The following SP110 variants were observed in gnomAD, a reference collection of about 807,000 sequenced individuals.
The protein encoded by SP110 is interferon-induced protein 41, 30kD.
Under a neutral mutation model 92.7 loss-of-function variants are expected in SP110, and 62 were observed. The ratio of observed to expected loss-of-function variants is 0.67; its 90% CI spans 0.55 to 0.83. The LOEUF (loss-of-function observed/expected upper bound fraction) is 0.83, where lower values mean the gene tolerates loss of function less well. Ranked by LOEUF, SP110 falls within the 40% of genes least tolerant of loss-of-function variation. SP110 has a pLI of 0.00. For missense variants in SP110, 793 were observed against 863.9 expected (o/e 0.92, Z 1.03); for synonymous variants, 273 against 305.3 (o/e 0.89, Z 1.10).
At position 230,171,748 on chromosome 2, in the gene SP110, A is replaced by G. The variant is rs772953969; in HGVS notation, c.1835T>C (p.Leu612Ser). The G allele has an allele frequency of 1.9e-6, 3 of 1,613,162 alleles. No individual in the cohort carries two copies. Among genetic ancestry groups the G allele is most frequent in the Non-Finnish European group, 2.5e-6 (3 of 1,179,076 alleles). Reference protein sequence around the residue: ...QDQLKCEFLLLKAYCHPQSSF... With the variant: ...QDQLKCEFLLSKAYCHPQSSF... ...GCTTTGTGGATGACAGTAGGCCTTCAAGAGGAGGAACTCACATTTCTGTAA... is the reference window on the plus strand; with the variant it reads ...GCTTTGTGGATGACAGTAGGCCTTCGAGAGGAGGAACTCACATTTCTGTAA... Residue 612 changes from leucine to serine, a missense_variant, in exon 17 of 19, where the codon TTG (leucine) becomes TCG (serine). Leu to Ser is a moderately radical substitution (Grantham distance 145). Transcript: ENST00000258381.
At chr2:230,217,245 C>CA (rs6147220) in intron 1 of SP110, among the ~76,000 whole-genome samples, 1,750 of 79,668 alleles carry the variant, frequency 0.022, 106 homozygotes, top group African/African-American at 0.068. Context: ...GACTCCATCT[C>CA]AAAAAAAAAA....
At chr2:230,169,578 C>T (rs2078379521) in intron 18 of SP110, among the ~76,000 whole-genome samples, 1 of 152,210 alleles carries the variant, frequency 6.6e-6, no homozygotes, top group South Asian at 2.1e-4. Flanking sequence ...TCACCTCGGA[C>T]TCCCAAAAAG....
intron 8 of SP110, chr2:230,203,223 G>A (rs1261358100): frequency 1.1e-5 from 2 of 183,286 alleles, no homozygotes; most frequent in Non-Finnish European, 2.3e-5. Flanking sequence ...TACCATGAGG[G>A]AGAGATGGAA....
chr2:230,206,721 C>T (rs775654726), intron 8 of SP110, among the ~76,000 whole-genome samples: 4 of 147,568 alleles, frequency 2.7e-5, no homozygotes, highest in Non-Finnish European at 6.0e-5. Context: ...CTGTAAAAAG[C>T]CCTAGTCCCG....
intron 12 of SP110, among the ~76,000 whole-genome samples, chr2:230,181,096 A>G (rs1432361445): frequency 6.6e-6 from 1 of 152,234 alleles, no homozygotes; most frequent in Non-Finnish European, 1.5e-5. Flanking sequence ...TTGTGCCCTG[A>G]GCAAGGACTC....
chr2:230,203,026 C>T (rs1040717513), intron 8 of SP110: 4 of 422,886 alleles, frequency 9.5e-6, no homozygotes, highest in African/African-American at 8.1e-5. Flanking sequence ...TTGTGTCGGC[C>T]TGCACCACGA....
upstream of SP110, among the ~76,000 whole-genome samples, chr2:230,221,375 C>T (rs2045805708): frequency 6.6e-6 from 1 of 151,912 alleles, no homozygotes; most frequent in Non-Finnish European, 1.5e-5. Flanking sequence ...AGGACATCCA[C>T]AAACTCCTCA....
chr2:230,169,084 A>T lies in SP110; in HGVS notation c.*40T>A. On this transcript the variant is annotated 3_prime_UTR_variant, in exon 19 of 19. Coordinates refer to ENST00000258381, the MANE Select transcript of SP110 (RefSeq NM_080424.4). ...GTCCAAGCCAGGGTCCCATCAGCTGAATCCTGAGGTGGGGATGCTTCAGTC... is the reference window on the plus strand; with the variant it reads ...GTCCAAGCCAGGGTCCCATCAGCTGTATCCTGAGGTGGGGATGCTTCAGTC... The T allele has an allele frequency of 2.2e-6, 3 of 1,338,414 alleles. No individual in the cohort carries two copies. Among genetic ancestry groups the T allele is most frequent in the Non-Finnish European group, 3.2e-6 (3 of 928,766 alleles). The allele number at this position is 1,338,414 out of a possible 1,614,324, so 82.9% of individuals were successfully genotyped here. A position where few individuals can be genotyped will look rare whatever the true frequency, so the allele number is the denominator to read the frequency against.
upstream of SP110, chr2:230,221,622 A>G: frequency 7.7e-7 from 1 of 1,305,174 alleles, no homozygotes. Flanking sequence ...CTCAGCATGC[A>G]GTAACATACA....
chr2:230,203,189 G>A (rs989229397), intron 8 of SP110: 5 of 187,100 alleles, frequency 2.7e-5, no homozygotes, highest in African/African-American at 7.1e-5. Flanking sequence ...AACTGAGAGG[G>A]AAGGACCCTG....
intron 14 of SP110, among the ~76,000 whole-genome samples, chr2:230,175,026 G>T (rs941618762): frequency 1.3e-5 from 2 of 152,048 alleles, no homozygotes; most frequent in Admixed American, 6.6e-5. Flanking sequence ...ATTAATTAAT[G>T]ATCTGGATTT....
At chr2:230,176,510 GCTTCCCCATCCCAAATTAA>G in intron 14 of SP110, 2 of 1,547,948 alleles carry the variant, frequency 1.3e-6, no homozygotes, top group South Asian at 2.4e-5. Context: ...AGAGTCATTT[GCTTCCCCATCCCAAATTAA>G]CTATGCAAAT....
chr2:230,168,996 G>T lies in SP110; in HGVS notation c.*128C>A. On this transcript the variant is annotated 3_prime_UTR_variant, in exon 19 of 19. Coordinates refer to ENST00000258381, the MANE Select transcript of SP110 (RefSeq NM_080424.4). ...AAGATGGAGGGTGTGATAATCCTAT[G>T]AAGTGTCTGGGTTTGGGTCCTGAGG... 1 of 740,054 alleles carries T rather than the reference G, an allele frequency of 1.4e-6. No homozygotes were observed. Among genetic ancestry groups the T allele is most frequent in the Non-Finnish European group, 2.5e-6 (1 of 399,756 alleles). 45.8% of individuals were successfully genotyped at this position (740,054 alleles called of 1,614,324 possible). A position where few individuals can be genotyped will look rare whatever the true frequency, so the allele number is the denominator to read the frequency against.
intron 10 of SP110, chr2:230,200,606 G>A: frequency 2.1e-6 from 1 of 486,066 alleles, no homozygotes; most frequent in Admixed American, 3.4e-5. Flanking sequence ...TGGTGATATT[G>A]CTGCCAGTAG....
chr2:230,203,285 T>A (rs1481233403), intron 8 of SP110: 4 of 160,470 alleles, frequency 2.5e-5, no homozygotes, highest in African/African-American at 9.6e-5. Context: ...CAGAGGTGAG[T>A]TTGCTTCATT....
chr2:230,218,570 T>C (rs2045489608), intron 1 of SP110, among the ~76,000 whole-genome samples: 1 of 152,136 alleles, frequency 6.6e-6, no homozygotes. Flanking sequence ...AGGCTCCTTT[T>C]AGAACAATTC....
intron 10 of SP110, among the ~76,000 whole-genome samples, chr2:230,196,119 G>A (rs2042860102): frequency 6.6e-6 from 1 of 152,068 alleles, no homozygotes; most frequent in South Asian, 2.1e-4. Flanking sequence ...TTGTTAAAGG[G>A]AATATAAATC....
At position 230,171,466 on chromosome 2, in the gene SP110, A is replaced by G; in HGVS notation, c.1887+230T>C. 7.0e-6 allele frequency: 4 copies of G among 572,562 alleles called. No homozygotes were observed. The South Asian group carries it at 8.0e-5, about 11-fold the overall frequency. 35.5% of individuals were successfully genotyped at this position (572,562 alleles called of 1,614,324 possible). A position where few individuals can be genotyped will look rare whatever the true frequency, so the allele number is the denominator to read the frequency against. Reference sequence around the variant, plus strand: ...GAAGATGAAACAGATACACAGGAGGAGAAGCAACTTGCCCGGTATCCCAGA... The same window carrying G: ...GAAGATGAAACAGATACACAGGAGGGGAAGCAACTTGCCCGGTATCCCAGA... On this transcript the variant is annotated intron_variant, in intron 17 of 18. Transcript: ENST00000258381.
At chr2:230,208,139 T>A in intron 7 of SP110, 80 bp from the exon 8 acceptor site, 1 of 872,058 alleles carries the variant, frequency 1.1e-6, no homozygotes. Context: ...AGCTTTTACT[T>A]TTGGTCTTCA....
Sources: gnomAD v4.1 joint callset for allele counts (sites outside exome capture counted in the v4.1 genomes callset) on GRCh38, gnomAD v4.1.1 for gene constraint, MANE v1.5 for transcripts, NCBI Gene and HGNC (gene_info 2026-07-23, HGNC 2026-07-21) for gene names.